The following SGCZ variants were observed in gnomAD, a reference collection of about 807,000 sequenced individuals.
SGCZ encodes sarcoglycan zeta, also known as zeta-sarcoglycan.
In SGCZ, 40 loss-of-function variants were observed where a neutral mutation model predicts 41.3. That is an observed-to-expected ratio of 0.97 (90% CI 0.75 to 1.26). SGCZ has a LOEUF of 1.26. Among genes scored for constraint, SGCZ ranks in the 50% most tolerant of loss-of-function variants. The pLI is 0.00. For synonymous variants in SGCZ, 206 were observed against 137.5 expected (o/e 1.50, Z -3.49); for missense variants, 552 against 369.8 (o/e 1.49, Z -4.04).
intron 4 of SGCZ, among the ~76,000 whole-genome samples, chr8:14,185,140 A>G (rs1404763001): frequency 6.6e-6 from 1 of 152,232 alleles, no homozygotes; most frequent in East Asian, 1.9e-4. Flanking sequence ...GGTGGCTCAC[A>G]CCTGTAATCC....
In SGCZ at chr8:15,166,237, T is replaced by C. The variant is rs1426959518; in HGVS notation, c.39+71348A>G. The stretch of plus-strand genomic sequence containing the variant: ...TGCCAAAATGATGCTCAATCCTTTT[T>C]TTTTTCTTTTTTTTTTTTTTCTTTT... On this transcript the variant is annotated intron_variant, in intron 1 of 7. Transcript: ENST00000382080. Among the ~76,000 whole-genome samples the C allele has an allele frequency of 2.6e-5, 4 of 151,350 alleles. No individual in the cohort carries two copies. The East Asian group carries it at 5.8e-4, about 22-fold the overall frequency.
At chr8:14,324,009 G>C in intron 3 of SGCZ, 94 bp downstream of exon 3, 2 of 749,614 alleles carry the variant, frequency 2.7e-6, no homozygotes, top group Non-Finnish European at 4.4e-6. Context: ...CTAAACACAT[G>C]CTGAAGAGAT....
At chr8:14,695,697 A>G (rs1057130158) in intron 1 of SGCZ, among the ~76,000 whole-genome samples, 2 of 150,572 alleles carry the variant, frequency 1.3e-5, no homozygotes, top group Admixed American at 1.3e-4. Context: ...ATGCACACGC[A>G]CACACACACA....
At chr8:15,076,297 G>A (rs1334335975) in intron 1 of SGCZ, among the ~76,000 whole-genome samples, 1 of 152,130 alleles carries the variant, frequency 6.6e-6, no homozygotes, top group Non-Finnish European at 1.5e-5. Context: ...AAGTATATGT[G>A]TTAGAGGTGA....
chr8:14,311,952 A>G (rs1003485537), intron 3 of SGCZ, among the ~76,000 whole-genome samples: 5 of 152,166 alleles, frequency 3.3e-5, no homozygotes, highest in African/African-American at 1.2e-4. Context: ...GAATAAACAA[A>G]GTGTTTCATA....
chr8:14,911,204 C>G (rs1392864565), intron 1 of SGCZ, among the ~76,000 whole-genome samples: 2 of 151,984 alleles, frequency 1.3e-5, no homozygotes, highest in Admixed American at 1.3e-4. Flanking sequence ...TTCAAATTGT[C>G]AAAGTAATCA....
rs189387104 is a variant in SGCZ at position 14,613,727 on chromosome 8, T to A, written c.40-58801A>T. 3.1e-4 allele frequency among the ~76,000 whole-genome samples: 44 copies of A among 140,366 alleles called. No homozygotes were observed. The East Asian group carries it at 8.5e-3, about 27-fold the overall frequency. 92.1% of individuals were successfully genotyped at this position (140,366 alleles called of 152,430 possible). A position where few individuals can be genotyped will look rare whatever the true frequency, so the allele number is the denominator to read the frequency against. On this transcript the variant is annotated intron_variant, in intron 1 of 7. Coordinates refer to ENST00000382080, the MANE Select transcript of SGCZ (RefSeq NM_139167.4). ...GGAATCATCTGCAAATTCCAAAGAT[T>A]TAGACATAAGAATTATGGAGAGGGT...
intron 1 of SGCZ, among the ~76,000 whole-genome samples, chr8:14,662,272 G>C (rs1175767401): frequency 6.6e-6 from 1 of 152,120 alleles, no homozygotes; most frequent in Non-Finnish European, 1.5e-5. Context: ...ACAGACTTTG[G>C]ATTCAAACAG....
intron 3 of SGCZ, among the ~76,000 whole-genome samples, chr8:14,288,220 A>G (rs747375242): frequency 2.0e-5 from 3 of 152,056 alleles, no homozygotes; most frequent in Admixed American, 6.6e-5. Context: ...TTAATTATTA[A>G]TCTCTTAAAT....
At chr8:14,412,005 A>C (rs934184149) in intron 2 of SGCZ, among the ~76,000 whole-genome samples, 2 of 152,100 alleles carry the variant, frequency 1.3e-5, no homozygotes, top group African/African-American at 4.8e-5. Context: ...CTTAAATGCA[A>C]GGGCGTGCAT....
In SGCZ at chr8:14,971,632, C is replaced by G. The variant is rs114747504; in HGVS notation, c.39+265953G>C. 7.3e-3 allele frequency among the ~76,000 whole-genome samples: 1,062 copies of G among 146,410 alleles called. 15 individuals carry two copies. Among genetic ancestry groups the G allele is most frequent in the African/African-American group, 0.025 (1,009 of 39,650 alleles). ...AATCTCATGTGGTCATGAGGCATTA[C>G]TCATTTTATATACTTTTTTTTTTTT... On this transcript the variant is annotated intron_variant, in intron 1 of 7. Coordinates refer to ENST00000382080, the MANE Select transcript of SGCZ (RefSeq NM_139167.4).
chr8:15,046,265 T>G (rs969707413), intron 1 of SGCZ, among the ~76,000 whole-genome samples: 1 of 152,104 alleles, frequency 6.6e-6, no homozygotes, highest in African/African-American at 2.4e-5. Context: ...GAGTAAGTGC[T>G]AGATAAACAA....
At chr8:15,174,948 A>G (rs1799953714) in intron 1 of SGCZ, among the ~76,000 whole-genome samples, 1 of 152,108 alleles carries the variant, frequency 6.6e-6, no homozygotes, top group African/African-American at 2.4e-5. Flanking sequence ...CGATTCCTCA[A>G]ATACCTAAAA....
chr8:14,188,819 TCTTTG>T (rs1471180516), intron 4 of SGCZ, among the ~76,000 whole-genome samples: 3 of 19,174 alleles, frequency 1.6e-4, no homozygotes, highest in South Asian at 1.6e-3. Context: ...TTTGTTTGTT[TCTTTG>T]TTTTTTTTTG....
At chr8:15,148,936 C>T (rs1395939064) in intron 1 of SGCZ, among the ~76,000 whole-genome samples, 2 of 152,174 alleles carry the variant, frequency 1.3e-5, no homozygotes, top group Non-Finnish European at 2.9e-5. Flanking sequence ...TAATACTGCA[C>T]GAGCACTGAA....
intron 1 of SGCZ, among the ~76,000 whole-genome samples, chr8:14,615,083 A>G (rs1806055545): frequency 6.6e-6 from 1 of 152,192 alleles, no homozygotes; most frequent in Non-Finnish European, 1.5e-5. Flanking sequence ...CACAATGTAA[A>G]AAACATTTAT....
intron 1 of SGCZ, among the ~76,000 whole-genome samples, chr8:14,643,910 T>G (rs181731416): frequency 1.3e-3 from 200 of 151,826 alleles, no homozygotes; most frequent in African/African-American, 4.7e-3. Flanking sequence ...AGAACTGCAA[T>G]GTATAAATTA....
chr8:14,874,228 AT>A (rs1466318033), intron 1 of SGCZ, among the ~76,000 whole-genome samples: 1 of 152,108 alleles, frequency 6.6e-6, no homozygotes, highest in Admixed American at 6.6e-5. Context: ...GCATTTCAAT[AT>A]TTTTAAAGAT....
At chr8:14,257,280 G>A (rs931885279) in intron 3 of SGCZ, among the ~76,000 whole-genome samples, 16 of 151,780 alleles carry the variant, frequency 1.1e-4, no homozygotes, top group African/African-American at 2.2e-4. Context: ...GCAGTGAACC[G>A]TGATTGTGCC....
Sources: allele counts gnomAD v4.1 joint callset (sites outside exome capture counted in the v4.1 genomes callset), GRCh38; gene constraint gnomAD v4.1.1; transcripts MANE v1.5; gene names NCBI Gene and HGNC (gene_info 2026-07-23, HGNC 2026-07-21).